CDKL1: variants seen among roughly 807,000 people sequenced by gnomAD.
CDKL1 encodes the protein cyclin-dependent kinase-like 1.
In CDKL1, 41 loss-of-function variants were observed where a neutral mutation model predicts 42.0. That is an observed-to-expected ratio of 0.98 (90% CI 0.76 to 1.27). The LOEUF is 1.27. Among genes scored for constraint, CDKL1 ranks in the 50% most tolerant of loss-of-function variants. CDKL1 has a pLI of 0.00. For synonymous variants in CDKL1, 153 were observed against 158.6 expected, an observed-to-expected ratio of 0.96 and a Z score of 0.26; for missense variants, 394 against 428.4, an observed-to-expected ratio of 0.92 and a Z score of 0.71.
At chr14:50,377,607 T>C (rs2034770489) in intron 2 of CDKL1, 1 of 1,357,910 alleles carries the variant, frequency 7.4e-7, no homozygotes, top group African/African-American at 1.5e-5. Flanking sequence ...ATGGAGCAGA[T>C]GGCAACAAGG....
chr14:50,332,339 C>G lies in CDKL1; in HGVS notation c.889G>C (p.Ala297Pro). The change falls in exon 9 of 10, where the codon GCA becomes CCA. Residue 297 changes from alanine to proline, a missense_variant. Physicochemically the swap from Ala to Pro is conservative, Grantham distance 27. Coordinates refer to ENST00000395834, the MANE Select transcript of CDKL1 (RefSeq NM_004196.7). ...FENIREIEDL[A>P]KEHNKPTRKT... is the part of the protein sequence containing the mutation. ...CTTGTTGGTTTGTTGTGTTCTTTTG[C>G]CAAATCCTCTATTTCTCTGATGTTT... 1 of 1,614,148 alleles carries G rather than the reference C, an allele frequency of 6.2e-7. No homozygotes were observed. The highest frequency in any genetic ancestry group is 8.5e-7 in the Non-Finnish European group (1 of 1,180,014).
rs758076506 is a variant in CDKL1 at position 50,334,528 on chromosome 14, G to C, written c.795+37C>G. On this transcript the variant is annotated intron_variant, in intron 8 of 9. Coordinates refer to ENST00000395834, the MANE Select transcript of CDKL1 (RefSeq NM_004196.7). Reference sequence around the variant, plus strand: ...AGATTCCCCAGTGATGACAACTGCTGTGTGCTTCCTGGTCTGTTGGAAGCC... The same window carrying C: ...AGATTCCCCAGTGATGACAACTGCTCTGTGCTTCCTGGTCTGTTGGAAGCC... 31 of 1,185,518 alleles carry C rather than the reference G, an allele frequency of 2.6e-5. 1 individual carries two copies. The South Asian group carries it at 3.8e-4, about 15-fold the overall frequency. The allele number at this position is 1,185,518 out of a possible 1,614,324, so 73.4% of individuals were successfully genotyped here.
intron 2 of CDKL1, among the ~76,000 whole-genome samples, chr14:50,388,039 G>T (rs2035140064): frequency 6.6e-6 from 1 of 152,100 alleles, no homozygotes; most frequent in Non-Finnish European, 1.5e-5. Context: ...TGTGGTTACA[G>T]GTGCCCGCCA....
chr14:50,389,376 C>T (rs764554257), intron 2 of CDKL1, among the ~76,000 whole-genome samples: 19 of 152,108 alleles, frequency 1.2e-4, no homozygotes, highest in Non-Finnish European at 2.4e-4. Flanking sequence ...TCATTTTACA[C>T]ATTTTTTCTA....
At chr14:50,370,809 C>A (rs916156137) in intron 2 of CDKL1, among the ~76,000 whole-genome samples, 2 of 152,138 alleles carry the variant, frequency 1.3e-5, no homozygotes, top group Non-Finnish European at 2.9e-5. Context: ...ATGACCAGAT[C>A]TCACGAGAAC....
chr14:50,368,899 C>CTTTTTTTTTTT, intron 2 of CDKL1, among the ~76,000 whole-genome samples: 1 of 147,246 alleles, frequency 6.8e-6, no homozygotes. Flanking sequence ...TGGAGTCTCG[C>CTTTTTTTTTTT]TCTGTCACCC....
At chr14:50,390,217 G>T (rs1409914092) in intron 2 of CDKL1, 1 of 1,364,298 alleles carries the variant, frequency 7.3e-7, no homozygotes, top group Non-Finnish European at 9.8e-7. Flanking sequence ...CAATGTCCCA[G>T]CTGCTGCTTT....
At chr14:50,354,478 T>TG (rs1275306405) in intron 3 of CDKL1, among the ~76,000 whole-genome samples, 1 of 152,202 alleles carries the variant, frequency 6.6e-6, no homozygotes, top group Non-Finnish European at 1.5e-5. Flanking sequence ...GTCTTATGTC[T>TG]GGCTGAACAT....
At chr14:50,351,193 A>T (rs1379065061) in intron 3 of CDKL1, among the ~76,000 whole-genome samples, 1 of 152,134 alleles carries the variant, frequency 6.6e-6, no homozygotes, top group Non-Finnish European at 1.5e-5. Context: ...AAGCAAGTAA[A>T]CCCAGAAAGA....
chr14:50,392,863 A>C (rs1452239310), intron 2 of CDKL1, among the ~76,000 whole-genome samples: 1 of 152,060 alleles, frequency 6.6e-6, no homozygotes, highest in Non-Finnish European at 1.5e-5. Flanking sequence ...CAATCTCCTC[A>C]TTCTTCCAGT....
intron 4 of CDKL1, 109 bp from the exon 5 acceptor site, chr14:50,342,331 T>C: frequency 6.9e-7 from 1 of 1,456,970 alleles, no homozygotes; most frequent in Non-Finnish European, 9.3e-7. Context: ...AAATCTCTCC[T>C]TGGCCTGTTG....
intron 2 of CDKL1, among the ~76,000 whole-genome samples, chr14:50,392,281 A>G (rs1448400610): frequency 6.6e-6 from 1 of 151,926 alleles, no homozygotes; most frequent in Non-Finnish European, 1.5e-5. Context: ...CCCTCTCTCT[A>G]CTAAAAATAC....
intron 7 of CDKL1, chr14:50,335,952 A>G (rs1269734768): frequency 7.4e-7 from 1 of 1,358,278 alleles, no homozygotes; most frequent in South Asian, 1.2e-5. Flanking sequence ...GGTTTGTATT[A>G]GCCCTTGACA....
chr14:50,380,422 G>T (rs2034871273), intron 2 of CDKL1, among the ~76,000 whole-genome samples: 1 of 152,212 alleles, frequency 6.6e-6, no homozygotes, highest in Admixed American at 6.5e-5. Flanking sequence ...CACAGGCTCT[G>T]GCACTTGACA....
At chr14:50,350,038 C>T (rs1199167725) in intron 3 of CDKL1, among the ~76,000 whole-genome samples, 1 of 152,224 alleles carries the variant, frequency 6.6e-6, no homozygotes, top group Non-Finnish European at 1.5e-5. Flanking sequence ...CTTGGCCTCC[C>T]AAAGTGCTGG....
Position 50,332,440 on chromosome 14 carries a change from A to G in CDKL1, c.796-8T>C. 1 of 1,587,426 alleles carries G rather than the reference A, an allele frequency of 6.3e-7. No homozygotes were observed. The highest frequency in any genetic ancestry group is 8.5e-7 in the Non-Finnish European group (1 of 1,171,498). Reference sequence around the variant, plus strand: ...GTCCATGTGGAGACAGCCCTAAAAGAACAGAAAATTCCTTCTTCTTACTTC... The same window carrying G: ...GTCCATGTGGAGACAGCCCTAAAAGGACAGAAAATTCCTTCTTCTTACTTC... On this transcript the variant is annotated splice_polypyrimidine_tract_variant and splice_region_variant and intron_variant, in intron 8 of 9. Coordinates refer to ENST00000395834, the MANE Select transcript of CDKL1 (RefSeq NM_004196.7).
upstream of CDKL1, chr14:50,396,989 C>G: frequency 1.0e-6 from 1 of 997,500 alleles, no homozygotes; most frequent in Non-Finnish European, 1.3e-6. Flanking sequence ...CCGGCCCAGC[C>G]CGGCCGCCCT....
Position 50,372,343 on chromosome 14 carries a change from C to G in CDKL1, c.169-13194G>C, listed in dbSNP as rs368844688. Among the ~76,000 whole-genome samples, 34 of 152,120 alleles carry G rather than the reference C, an allele frequency of 2.2e-4. No individual in the cohort carries two copies. The South Asian group carries it at 6.7e-3, about 30-fold the overall frequency. On this transcript the variant is annotated intron_variant, in intron 2 of 9. Coordinates refer to ENST00000395834, the MANE Select transcript of CDKL1 (RefSeq NM_004196.7). The stretch of plus-strand genomic sequence containing the variant: ...ATGTTGGCCAGACTGGTCTCAAACT[C>G]CTGACCTCAGGTGATCTGCCTGCCT...
intron 1 of CDKL1, among the ~76,000 whole-genome samples, chr14:50,396,530 G>T (rs983596876): frequency 2.6e-5 from 4 of 152,146 alleles, no homozygotes; most frequent in Non-Finnish European, 5.9e-5. Context: ...TAACGTTATC[G>T]TTCATCCGAT....
Sources: gnomAD v4.1 joint callset for allele counts (sites outside exome capture counted in the v4.1 genomes callset) on GRCh38, gnomAD v4.1.1 for gene constraint, MANE v1.5 for transcripts, NCBI Gene and HGNC (gene_info 2026-07-23, HGNC 2026-07-21) for gene names.